SURF4: variants seen among roughly 807,000 people sequenced by gnomAD.
The protein encoded by SURF4 is surfeit 4, also known as surfeit locus protein 4.
Under a neutral mutation model 30.0 loss-of-function variants are expected in SURF4, and 3 were observed. That is an observed-to-expected ratio of 0.10 (90% CI 0.05 to 0.26). The LOEUF is 0.26. Ranked by LOEUF, SURF4 falls within the 10% of genes least tolerant of loss-of-function variation. The pLI, the probability that SURF4 is intolerant of heterozygous loss-of-function variation, is 1.00. For missense variants in SURF4, 217 were observed against 350.8 expected (o/e 0.62, Z 3.05); for synonymous variants, 143 against 139.9 (o/e 1.02, Z -0.16).
rs1836872938 is a variant in SURF4 at position 133,362,459 on chromosome 9, G to A, written c.*1034C>T. ...ACAATCTGAGTGAGCGACAGCCTCA[G>A]GAAAGTGGTGTGTCGGGGCTGTCCA... On this transcript the variant is annotated 3_prime_UTR_variant, in exon 6 of 6. Coordinates refer to ENST00000371989, the MANE Select transcript of SURF4 (RefSeq NM_033161.4). 6.5e-6 allele frequency: 1 copy of A among 152,696 alleles called. No individual in the cohort carries two copies. The allele number at this position is 152,696 out of a possible 1,614,324, so 9.5% of individuals were successfully genotyped here. A position where few individuals can be genotyped will look rare whatever the true frequency, so the allele number is the denominator to read the frequency against.
intron 1 of SURF4, among the ~76,000 whole-genome samples, chr9:133,374,861 T>C (rs1409425885): frequency 6.6e-6 from 1 of 152,112 alleles, no homozygotes; most frequent in Non-Finnish European, 1.5e-5. Context: ...GCCTCAGAGT[T>C]TGATGACTCA....
At chr9:133,368,514 G>A (rs1390651748) in intron 1 of SURF4, among the ~76,000 whole-genome samples, 3 of 152,364 alleles carry the variant, frequency 2.0e-5, no homozygotes, top group African/African-American at 2.4e-5. Flanking sequence ...GCTAGAAAGC[G>A]CTGGGATTTT....
intron 1 of SURF4, among the ~76,000 whole-genome samples, chr9:133,370,047 G>A (rs1406671524): frequency 6.6e-6 from 1 of 152,232 alleles, no homozygotes; most frequent in East Asian, 1.9e-4. Context: ...AGAGCTGTGA[G>A]CCACTCACTG....
chr9:133,364,570 T>C (rs1027540082), intron 5 of SURF4, among the ~76,000 whole-genome samples: 1 of 151,704 alleles, frequency 6.6e-6, no homozygotes, highest in Non-Finnish European at 1.5e-5. Flanking sequence ...CAGGCGCCTG[T>C]AGTCCCAGCT....
intron 2 of SURF4, 108 bp downstream of exon 2, chr9:133,367,151 G>A (rs188713226): frequency 1.5e-6 from 2 of 1,373,374 alleles, no homozygotes; most frequent in Non-Finnish European, 2.0e-6. Context: ...GGGAATGGAG[G>A]GGGGACAGCA....
At position 133,367,349 on chromosome 9, in the gene SURF4, T is replaced by C. The variant is rs1403777672; in HGVS notation, c.145A>G (p.Ser49Gly). 6.2e-7 allele frequency: 1 copy of C among 1,614,092 alleles called. No individual in the cohort carries two copies. Among genetic ancestry groups the C allele is most frequent in the Non-Finnish European group, 8.5e-7 (1 of 1,180,060 alleles). The change falls in exon 2 of 6, where the codon AGC (serine) becomes GGC (glycine). Residue 49 changes from serine (S) to glycine (G), a missense_variant. By Grantham distance (56) the Ser-to-Gly change is moderately conservative (BLOSUM62 0). Transcript: ENST00000371989. ...GTGTCGATGTAGTCGCGCTGCTCGC[T>C]CCACTGGAACCACATACGGATGCCG... ...EDGIRMWFQW[S>G]EQRDYIDTTW... is the part of the protein sequence containing the mutation.
At chr9:133,365,227 T>C (rs1406462797) in intron 4 of SURF4, among the ~76,000 whole-genome samples, 2 of 152,116 alleles carry the variant, frequency 1.3e-5, no homozygotes, top group African/African-American at 2.4e-5. Context: ...AAACCTTACA[T>C]AGCTCAGGAG....
Position 133,373,626 on chromosome 9 carries a change from A to T in SURF4, c.48+2296T>A, listed in dbSNP as rs2130210178. On this transcript the variant is annotated intron_variant, in intron 1 of 5. Transcript: ENST00000371989. ...TCCAAAAAAAACATAATAACAAAAC[A>T]TGAAGAAAAGGCAGGGCAGGGTGGC... Among the ~76,000 whole-genome samples the T allele has an allele frequency of 7.2e-5, 11 of 151,758 alleles. 1 individual carries two copies. The highest frequency in any genetic ancestry group is 3.4e-3 in the Middle Eastern group (1 of 292).
chr9:133,367,416 G>A lies in SURF4; in HGVS notation c.78C>T (p.Pro26=), dbSNP rs1837241013. The change falls in exon 2 of 6, where the codon CCC becomes CCT. Residue 26 remains proline (P), a synonymous_variant. Coordinates refer to ENST00000371989, the MANE Select transcript of SURF4 (RefSeq NM_033161.4). ...QFLRVTKQYL[P]HVARLCLIST... ...TGATCAGACAGAGGCGCGCCACGTGGGGCAGGTACTGCTTTGTGACACGGA... is the reference window on the plus strand; with the variant it reads ...TGATCAGACAGAGGCGCGCCACGTGAGGCAGGTACTGCTTTGTGACACGGA... 6.2e-7 allele frequency: 1 copy of A among 1,614,040 alleles called. No individual in the cohort carries two copies. The highest frequency in any genetic ancestry group is 8.5e-7 in the Non-Finnish European group (1 of 1,180,042).
chr9:133,376,111 C>G (rs2130245485), upstream of SURF4: 6 of 1,203,082 alleles, frequency 5.0e-6, no homozygotes, highest in Admixed American at 8.8e-5. Flanking sequence ...GCGGCTGCCA[C>G]GTAGGCCAAG....
At chr9:133,372,445 C>G (rs1167836932) in intron 1 of SURF4, 1 of 287,548 alleles carries the variant, frequency 3.5e-6, no homozygotes, top group African/African-American at 2.3e-5. Context: ...CTCTGCCCAT[C>G]TGAAGATGGT....
rs2130078577 is a variant in SURF4, at chr9:133,362,711, T to C, written c.*782A>G. Reference sequence around the variant, plus strand: ...AGGGTGCTGCTGCTGGGGCTACCCCTGTGTGGTCTCACTAGCCCTTCCCAC... The same window carrying C: ...AGGGTGCTGCTGCTGGGGCTACCCCCGTGTGGTCTCACTAGCCCTTCCCAC... On this transcript the variant is annotated 3_prime_UTR_variant, in exon 6 of 6. Transcript: ENST00000371989. The C allele has an allele frequency of 2.5e-3, 388 of 153,572 alleles. 3 individuals are homozygous for C. The highest frequency in any genetic ancestry group is 6.3e-3 in the Admixed American group (97 of 15,386). The allele number at this position is 153,572 out of a possible 1,614,324, so 9.5% of individuals were successfully genotyped here.
intron 1 of SURF4, among the ~76,000 whole-genome samples, chr9:133,371,907 A>G (rs1837531439): frequency 6.6e-6 from 1 of 152,236 alleles, no homozygotes; most frequent in South Asian, 2.1e-4. Flanking sequence ...TAAAAACACC[A>G]AAGGTCACAC....
chr9:133,367,143 G>T, intron 2 of SURF4, 116 bp downstream of exon 2: 1 of 1,323,216 alleles, frequency 7.6e-7, no homozygotes, highest in Non-Finnish European at 1.0e-6. Flanking sequence ...GAGAAGAGGG[G>T]AATGGAGGGG....
At chr9:133,367,918 T>C (rs1019842160) in intron 1 of SURF4, among the ~76,000 whole-genome samples, 2 of 152,364 alleles carry the variant, frequency 1.3e-5, no homozygotes, top group South Asian at 2.1e-4. Flanking sequence ...ACTACTGGCA[T>C]CTGAGGCCAG....
intron 1 of SURF4, chr9:133,375,272 T>G: frequency 1.0e-6 from 1 of 985,442 alleles, no homozygotes; most frequent in Non-Finnish European, 1.2e-6. Flanking sequence ...ATCAGGGAGA[T>G]AGGCTTCCCC....
chr9:133,363,835 G>A lies in SURF4; in HGVS notation c.544-76C>T, dbSNP rs2130093781. 1.3e-6 allele frequency: 2 copies of A among 1,560,938 alleles called. No individual in the cohort carries two copies. The highest frequency in any genetic ancestry group is 1.1e-5 in the South Asian group (1 of 88,612). The stretch of plus-strand genomic sequence containing the variant: ...TGCTTTATAAACAAAAGTTCCAGCT[G>A]CTGCACGTCATGAAGTCTCTATCCA... On this transcript the variant is annotated intron_variant, in intron 5 of 5. Transcript: ENST00000371989. The surrounding 1 kb of genome is among the most constrained non-coding windows in gnomAD (Gnocchi z 4.3).
intron 1 of SURF4, chr9:133,372,656 G>A (rs1837574066): frequency 1.0e-6 from 1 of 985,328 alleles, no homozygotes; most frequent in Non-Finnish European, 1.2e-6. Context: ...CTTGTTTTCT[G>A]AAGATGTGAA....
chr9:133,371,150 G>A (rs1837483101), intron 1 of SURF4: 1 of 985,230 alleles, frequency 1.0e-6, no homozygotes, highest in Non-Finnish European at 1.2e-6. Flanking sequence ...ACTCAGGACA[G>A]AAAGAAATTG....
Sources: allele counts gnomAD v4.1 joint callset (sites outside exome capture counted in the v4.1 genomes callset), GRCh38; gene constraint gnomAD v4.1.1; non-coding constraint Gnocchi (gnomAD v3.1); transcripts MANE v1.5; gene names NCBI Gene and HGNC (gene_info 2026-07-23, HGNC 2026-07-21).